Variants in MAP3K21 observed in about 807,000 individuals in gnomAD.
MAP3K21 encodes mitogen-activated protein kinase kinase kinase MLK4.
Under a neutral mutation model 86.1 loss-of-function variants are expected in MAP3K21, and 63 were observed. The observed-to-expected ratio is 0.73, with a 90% CI of 0.60 to 0.90. The LOEUF is 0.90. Among genes scored for constraint, MAP3K21 ranks in the 40% least tolerant of loss-of-function variants. MAP3K21 has a pLI of 0.00. For synonymous variants in MAP3K21, 558 were observed against 564.8 expected (o/e 0.99, Z 0.17); for missense variants, 1,220 against 1,367.7 (o/e 0.89, Z 1.70).
intron 2 of MAP3K21, among the ~76,000 whole-genome samples, chr1:233,351,366 T>A (rs769008353): frequency 5.9e-5 from 9 of 152,188 alleles, no homozygotes; most frequent in Non-Finnish European, 1.2e-4. Context: ...ATCTCACTAT[T>A]ATTTGATAGA....
In MAP3K21 at chr1:233,346,322, C is replaced by G. The variant is rs992772356; in HGVS notation, c.806-120C>G. On this transcript the variant is annotated intron_variant, in intron 1 of 9. Transcript: ENST00000366624. ...GTGCTGTAAGTAAAATGGTAAAATG[C>G]AAGTTTATTCTTGTTTATTCTGCCA... 4.1e-5 allele frequency: 30 copies of G among 738,282 alleles called. 1 individual carries two copies. The highest frequency in any genetic ancestry group is 5.6e-5 in the Non-Finnish European group (26 of 462,274). 45.7% of individuals were successfully genotyped at this position (738,282 alleles called of 1,614,324 possible).
At chr1:233,362,319 A>C (rs745471104) in intron 5 of MAP3K21, 26 bp downstream of exon 5, 2 of 1,608,662 alleles carry the variant, frequency 1.2e-6, no homozygotes, top group South Asian at 2.2e-5. Context: ...TATGTTTTTG[A>C]AAGATTTTTG....
At chr1:233,364,297 T>A (rs1663526200) in intron 5 of MAP3K21, among the ~76,000 whole-genome samples, 1 of 152,160 alleles carries the variant, frequency 6.6e-6, no homozygotes, top group Non-Finnish European at 1.5e-5. Flanking sequence ...ATGATGAGGC[T>A]TCTGCCTTCA....
At chr1:233,334,641 A>G (rs917020028) in intron 1 of MAP3K21, among the ~76,000 whole-genome samples, 1 of 152,180 alleles carries the variant, frequency 6.6e-6, no homozygotes, top group Non-Finnish European at 1.5e-5. Context: ...GTGGTCAGGC[A>G]GTGAGTGCCA....
At position 233,328,264 on chromosome 1, in the gene MAP3K21, G is replaced by A; in HGVS notation, c.236G>A (p.Gly79Asp). 1.3e-6 allele frequency: 2 copies of A among 1,490,842 alleles called. No homozygotes were observed. Among genetic ancestry groups the A allele is most frequent in the Non-Finnish European group, 8.9e-7 (1 of 1,128,436 alleles). The allele number at this position is 1,490,842 out of a possible 1,614,324, so 92.4% of individuals were successfully genotyped here. ...GACGCCGCCGTGTCGGGCGACGAGG[G>A]CTGGTGGGCAGGCCAGGTGCAGCGG... is the stretch of plus-strand genomic sequence containing the variant. Reference protein sequence around the residue: ...SQDAAVSGDEGWWAGQVQRRL... With the variant: ...SQDAAVSGDEDWWAGQVQRRL... The change falls in exon 1 of 10, where the codon GGC becomes GAC. Residue 79 changes from glycine (G) to aspartate (D), a missense_variant. Around this residue, in one of 5 missense-constraint regions of MAP3K21, gnomAD observed 369 missense variants for 385.3 expected, o/e 0.96. Transcript: ENST00000366624. This position sits in a 1 kb window ranked among gnomAD's most constrained non-coding sequence, Gnocchi z 8.7.
At chr1:233,360,682 TGTACTGATAGGC>T (rs924181475) in intron 4 of MAP3K21, among the ~76,000 whole-genome samples, 7 of 152,214 alleles carry the variant, frequency 4.6e-5, no homozygotes, top group African/African-American at 1.4e-4. Flanking sequence ...TTACGATAAT[TGTACTGATAGGC>T]TCAGATTACT....
chr1:233,381,805 A>G (rs1038839969), intron 9 of MAP3K21, among the ~76,000 whole-genome samples: 1 of 152,238 alleles, frequency 6.6e-6, no homozygotes, highest in Non-Finnish European at 1.5e-5. Context: ...GACGTGTAAA[A>G]GTCTAACTGC....
At position 233,346,471 on chromosome 1, in the gene MAP3K21, G is replaced by A; in HGVS notation, c.835G>A (p.Asp279Asn). 1.2e-6 allele frequency: 2 copies of A among 1,612,094 alleles called. No homozygotes were observed. Among genetic ancestry groups the A allele is most frequent in the Non-Finnish European group, 1.7e-6 (2 of 1,178,810 alleles). Residue 279 changes from aspartate to asparagine, a missense_variant, in exon 2 of 10, where the codon GAC (aspartate) becomes AAC (asparagine). By Grantham distance (23) the Asp-to-Asn change is conservative. Around this residue, in one of 5 missense-constraint regions of MAP3K21, gnomAD observed 89 missense variants for 144.8 expected, o/e 0.61. Coordinates refer to ENST00000366624, the MANE Select transcript of MAP3K21 (RefSeq NM_032435.3). ...ILLLEKIEHD[D>N]ICNKTLKITD... is the part of the protein sequence containing the mutation. ...GCTACTTGAGAAGATAGAACATGAT[G>A]ACATCTGCAATAAAACTTTGAAGAT...
chr1:233,376,119 C>T, intron 7 of MAP3K21, 53 bp downstream of exon 7: 1 of 1,453,680 alleles, frequency 6.9e-7, no homozygotes, highest in African/African-American at 1.4e-5. Flanking sequence ...AAATCCATTC[C>T]TGTGTTAATA....
intron 1 of MAP3K21, among the ~76,000 whole-genome samples, chr1:233,341,605 C>T (rs1227048648): frequency 6.6e-6 from 1 of 152,076 alleles, no homozygotes; most frequent in Non-Finnish European, 1.5e-5. Flanking sequence ...CGCTGCCATC[C>T]GTTTATTTGG....
rs370420185 is a variant in MAP3K21, at chr1:233,378,946, C to G, written c.1940C>G (p.Pro647Arg). ...CTTTATTTAGGGTCCTGTGAAGAGC[C>G]AAAACTTTCCCCTGATGGATTAGAA... ...FVDQPGSCEE[P>R]KLSPDGLEHR... Residue 647 changes from proline (P) to arginine (R), a missense_variant, in exon 9 of 10, where the codon CCA becomes CGA. Coordinates refer to ENST00000366624, the MANE Select transcript of MAP3K21 (RefSeq NM_032435.3). 7 of 1,611,370 alleles carry G rather than the reference C, an allele frequency of 4.3e-6. No individual in the cohort carries two copies. In the African/African-American group the frequency reaches 8.0e-5, roughly 18 times the overall value.
At chr1:233,355,897 TA>T (rs1663343915) in intron 4 of MAP3K21, among the ~76,000 whole-genome samples, 1 of 152,188 alleles carries the variant, frequency 6.6e-6, no homozygotes, top group African/African-American at 2.4e-5. Flanking sequence ...CTTCTCCTTC[TA>T]AAATGCAAAT....
At chr1:233,340,052 T>C (rs1486582885) in intron 1 of MAP3K21, among the ~76,000 whole-genome samples, 1 of 152,210 alleles carries the variant, frequency 6.6e-6, no homozygotes, top group African/African-American at 2.4e-5. Context: ...CTGCTTACAA[T>C]TTAATAAGAT....
chr1:233,328,562 G>A lies in MAP3K21; in HGVS notation c.534G>A (p.Leu178=). 1.3e-6 allele frequency: 2 copies of A among 1,533,154 alleles called. No individual in the cohort carries two copies. The highest frequency in any genetic ancestry group is 2.7e-5 in the East Asian group (1 of 37,302). 95.0% of individuals were successfully genotyped at this position (1,533,154 alleles called of 1,614,324 possible). Residue 178 remains leucine, a synonymous_variant, in exon 1 of 10, where the codon CTG becomes CTA. Coordinates refer to ENST00000366624, the MANE Select transcript of MAP3K21 (RefSeq NM_032435.3). The surrounding 1 kb of genome is among the most constrained non-coding windows in gnomAD (Gnocchi z 8.7). ...GCGAGGCTCGGCTCTTCGCCATGCT[G>A]CGGCACCCCAACATCATCGAGCTGC... ...VRREARLFAM[L]RHPNIIELRG... is the part of the protein sequence containing the mutation.
At chr1:233,373,102 T>G (rs1283404598) in intron 6 of MAP3K21, 1 of 152,288 alleles carries the variant, frequency 6.6e-6, no homozygotes, top group East Asian at 1.9e-4. Flanking sequence ...AGAAACTGGA[T>G]CTAAATGAGG....
intron 1 of MAP3K21, among the ~76,000 whole-genome samples, chr1:233,339,458 CCTCCTCCTTCTCCTT>C (rs1558451368): frequency 5.8e-5 from 6 of 103,414 alleles, no homozygotes; most frequent in East Asian, 6.2e-4. Flanking sequence ...TCCTCCTTCT[CCTCCTCCTTCTCCTT>C]CTTCTTCTTC....
chr1:233,329,661 A>G (rs534291976), intron 1 of MAP3K21, among the ~76,000 whole-genome samples: 1 of 152,182 alleles, frequency 6.6e-6, no homozygotes, highest in Non-Finnish European at 1.5e-5. Flanking sequence ...CTCAAAAAAA[A>G]AAAAAGTGTC....
At chr1:233,353,041 C>T (rs996209195) in intron 2 of MAP3K21, among the ~76,000 whole-genome samples, 2 of 152,142 alleles carry the variant, frequency 1.3e-5, no homozygotes, top group African/African-American at 2.4e-5. Context: ...GGTAAACATT[C>T]ATGTAGAAAT....
intron 4 of MAP3K21, among the ~76,000 whole-genome samples, chr1:233,356,640 G>A (rs1352040215): frequency 6.6e-6 from 1 of 152,190 alleles, no homozygotes; most frequent in Non-Finnish European, 1.5e-5. Context: ...CGTGCTTAAA[G>A]TTGTTCACTT....
Sources: allele counts gnomAD v4.1 joint callset (sites outside exome capture counted in the v4.1 genomes callset), GRCh38; gene constraint gnomAD v4.1.1; regional missense constraint gnomAD v4.1.1; non-coding constraint Gnocchi (gnomAD v3.1); transcripts MANE v1.5; gene names NCBI Gene and HGNC (gene_info 2026-07-23, HGNC 2026-07-21).